SLC45A3: variants seen among roughly 807,000 people sequenced by gnomAD.
SLC45A3 encodes the protein prostate cancer associated protein 2.
SLC45A3 carries 17 observed loss-of-function variants against 35.3 expected under a neutral mutation model. That is an observed-to-expected ratio of 0.48 (90% CI 0.33 to 0.72). SLC45A3 has a LOEUF of 0.72. Ranked by LOEUF, SLC45A3 falls within the 30% of genes least tolerant of loss-of-function variation. The pLI is 0.02. For synonymous variants in SLC45A3, 288 were observed against 334.3 expected (o/e 0.86, Z 1.51); for missense variants, 597 against 731.7 (o/e 0.82, Z 2.12).
chr1:205,668,455 A>C (rs1671153343), intron 1 of SLC45A3, among the ~76,000 whole-genome samples: 1 of 152,146 alleles, frequency 6.6e-6, no homozygotes, highest in African/African-American at 2.4e-5. Context: ...CCTCAGGGCA[A>C]GCTTCTTGCC....
At position 205,663,542 on chromosome 1, in the gene SLC45A3, G is replaced by A. The variant is rs2102403872; in HGVS notation, c.249C>T (p.Gly83=). The change falls in exon 3 of 5, where the codon GGC becomes GGT. Residue 83 remains glycine, a synonymous_variant. Coordinates refer to ENST00000367145, the MANE Select transcript of SLC45A3 (RefSeq NM_033102.3). ...GTGCCCAGATGAAGGGCCGGCGGCG[G>A]CCATAGCGTCCACGCCAGTGGTCAC... The part of the protein sequence containing the change: ...SASDHWRGRY[G]RRRPFIWALS... 5 of 1,612,820 alleles carry A rather than the reference G, an allele frequency of 3.1e-6. No individual in the cohort carries two copies. In the East Asian group the frequency reaches 1.1e-4, roughly 36 times the overall value.
At position 205,670,788 on chromosome 1, in the gene SLC45A3, A is replaced by T. The variant is rs1353438485; in HGVS notation, c.-230-5902T>A. On this transcript the variant is annotated intron_variant, in intron 1 of 4. Transcript: ENST00000367145. The stretch of plus-strand genomic sequence containing the variant: ...GCCAGCGCCGGCCCCTTCCCACTCA[A>T]TTCCCCTTCCAGCTGCTGCTGGCCC... Among the ~76,000 whole-genome samples, 5 of 152,074 alleles carry T rather than the reference A, an allele frequency of 3.3e-5. No homozygotes were observed. The East Asian group carries it at 9.7e-4, about 30-fold the overall frequency.
intron 1 of SLC45A3, among the ~76,000 whole-genome samples, chr1:205,668,261 G>A (rs1018956195): frequency 4.6e-5 from 7 of 151,896 alleles, no homozygotes; most frequent in Non-Finnish European, 7.4e-5. Flanking sequence ...CAGGGTCCTC[G>A]GGCTAAGGAG....
chr1:205,675,714 TTCCAAGGTGG>T (rs1671298695), intron 1 of SLC45A3, among the ~76,000 whole-genome samples: 1 of 152,104 alleles, frequency 6.6e-6, no homozygotes, highest in African/African-American at 2.4e-5. Context: ...TTGTTTTTGC[TTCCAAGGTGG>T]TCACCGTGCT....
Position 205,659,578 on chromosome 1 carries a change from G to A in SLC45A3, c.1318C>T (p.Pro440Ser). 1 of 1,592,694 alleles carries A rather than the reference G, an allele frequency of 6.3e-7. No homozygotes were observed. Among genetic ancestry groups the A allele is most frequent in the East Asian group, 2.2e-5 (1 of 44,700 alleles). ...SFLPGPKPGA[P>S]FPNGHVGAGG... ...GCACCCACGTGTCCATTAGGGAAGG[G>A]AGCTCCAGGCTTAGGGCCTGGCAGG... Residue 440 changes from proline (P) to serine (S), a missense_variant, in exon 5 of 5, where the codon CCC becomes TCC. Around this residue, in one of 3 missense-constraint regions of SLC45A3, gnomAD observed 555 missense variants for 664.9 expected, o/e 0.83. Transcript: ENST00000367145. This position sits in a 1 kb window ranked among gnomAD's most constrained non-coding sequence, Gnocchi z 5.8.
chr1:205,659,645 G>A lies in SLC45A3; in HGVS notation c.1251C>T (p.Asp417=), dbSNP rs1451492084. Residue 417 remains aspartate (D), a synonymous_variant, in exon 5 of 5, where the codon GAC becomes GAT. Coordinates refer to ENST00000367145, the MANE Select transcript of SLC45A3 (RefSeq NM_033102.3). This position sits in a 1 kb window ranked among gnomAD's most constrained non-coding sequence, Gnocchi z 5.8. ...TGTCCTCACTGCTAGCACCTCCAGT[G>A]TCCCCTCGGTATTTGGGCAGGAACA... ...KQVFLPKYRG[D]TGGASSEDSL... 1 of 1,530,070 alleles carries A rather than the reference G, an allele frequency of 6.5e-7. No individual in the cohort carries two copies. Among genetic ancestry groups the A allele is most frequent in the African/African-American group, 1.4e-5 (1 of 72,212 alleles). The allele number at this position is 1,530,070 out of a possible 1,614,324, so 94.8% of individuals were successfully genotyped here. A position where few individuals can be genotyped will look rare whatever the true frequency, so the allele number is the denominator to read the frequency against.
rs770050479 is a variant in SLC45A3 at position 205,661,939 on chromosome 1, G to C, written c.1146C>G (p.Ala382=). Residue 382 remains alanine (A), a synonymous_variant, in exon 4 of 5, where the codon GCC becomes GCG. Coordinates refer to ENST00000367145, the MANE Select transcript of SLC45A3 (RefSeq NM_033102.3). ...SHSVAVVTAS[A]ALTGFTFSAL... is the part of the protein sequence containing the mutation. Reference sequence around the variant, plus strand: ...CTGAGAAGGTGAACCCGGTGAGGGCGGCTGAAGCTGTCACCACGGCCACAC... The same window carrying C: ...CTGAGAAGGTGAACCCGGTGAGGGCCGCTGAAGCTGTCACCACGGCCACAC... 5.0e-6 allele frequency: 8 copies of C among 1,614,194 alleles called. No homozygotes were observed. The highest frequency in any genetic ancestry group is 1.6e-4 in the Middle Eastern group (1 of 6,062).
chr1:205,663,471 C>T lies in SLC45A3; in HGVS notation c.320G>A (p.Gly107Asp). ...LLSLFLIPRA[G>D]WLAGLLCPDP... ...CGGGCACAGCAGCCCTGCTAGCCAG[C>T]CGGCCCTTGGGATGAGAAAGAGGCT... Residue 107 changes from glycine to aspartate, a missense_variant, in exon 3 of 5, where the codon GGC (glycine) becomes GAC (aspartate). By Grantham distance (94) the Gly-to-Asp change is moderately conservative. This residue lies in a region of SLC45A3 where 555 missense variants were observed against 664.9 expected (regional missense o/e 0.83). Coordinates refer to ENST00000367145, the MANE Select transcript of SLC45A3 (RefSeq NM_033102.3). 1.2e-6 allele frequency: 2 copies of T among 1,612,996 alleles called. No homozygotes were observed. The highest frequency in any genetic ancestry group is 1.7e-6 in the Non-Finnish European group (2 of 1,179,866).
intron 1 of SLC45A3, among the ~76,000 whole-genome samples, chr1:205,671,121 A>G (rs1671208298): frequency 6.6e-6 from 1 of 152,168 alleles, no homozygotes; most frequent in Non-Finnish European, 1.5e-5. Flanking sequence ...CCCCTCTCCT[A>G]CCCAGTGACA....
chr1:205,670,846 G>C (rs759206430), intron 1 of SLC45A3, among the ~76,000 whole-genome samples: 2 of 152,096 alleles, frequency 1.3e-5, no homozygotes, highest in Admixed American at 6.5e-5. Context: ...CCGTCACTTC[G>C]GGCAGCAAAG....
At chr1:205,677,054 A>G (rs1244288463) in intron 1 of SLC45A3, among the ~76,000 whole-genome samples, 1 of 152,224 alleles carries the variant, frequency 6.6e-6, no homozygotes, top group African/African-American at 2.4e-5. Flanking sequence ...CACCCTCCCT[A>G]TACAGTTTTC....
At chr1:205,675,949 C>G (rs1371047145) in intron 1 of SLC45A3, among the ~76,000 whole-genome samples, 2 of 152,188 alleles carry the variant, frequency 1.3e-5, no homozygotes, top group African/African-American at 4.8e-5. Flanking sequence ...CACTGCCATC[C>G]TCCCCACTAG....
Position 205,664,970 on chromosome 1 carries a change from T to C in SLC45A3, c.-230-84A>G. 8.4e-7 allele frequency: 1 copy of C among 1,191,464 alleles called. No homozygotes were observed. 73.8% of individuals were successfully genotyped at this position (1,191,464 alleles called of 1,614,324 possible). A position where few individuals can be genotyped will look rare whatever the true frequency, so the allele number is the denominator to read the frequency against. Reference sequence around the variant, plus strand: ...CACGATTTGCTCTAAATTGTCTGGATCCTGATCATTCACAGGCTGGCGACT... The same window carrying C: ...CACGATTTGCTCTAAATTGTCTGGACCCTGATCATTCACAGGCTGGCGACT... On this transcript the variant is annotated intron_variant, in intron 1 of 4. Coordinates refer to ENST00000367145, the MANE Select transcript of SLC45A3 (RefSeq NM_033102.3). This position sits in a 1 kb window ranked among gnomAD's most constrained non-coding sequence, Gnocchi z 5.3.
chr1:205,664,040 A>G lies in SLC45A3; in HGVS notation c.173-422T>C, dbSNP rs1662914198. 6.6e-6 allele frequency among the ~76,000 whole-genome samples: 1 copy of G among 152,126 alleles called. No individual in the cohort carries two copies. The highest frequency in any genetic ancestry group is 2.4e-5 in the African/African-American group (1 of 41,412). On this transcript the variant is annotated intron_variant, in intron 2 of 4. Transcript: ENST00000367145. The surrounding 1 kb of genome is among the most constrained non-coding windows in gnomAD (Gnocchi z 5.3). ...ACCCCTTGTCCTAGGGGTAGGAGCA[A>G]GCTCCGGCTGGGAGACCTTGATGGA...
Position 205,664,941 on chromosome 1 carries a change from T to C in SLC45A3, c.-230-55A>G. 8.0e-7 allele frequency: 1 copy of C among 1,256,410 alleles called. No individual in the cohort carries two copies. Among genetic ancestry groups the C allele is most frequent in the Non-Finnish European group, 1.0e-6 (1 of 998,626 alleles). The allele number at this position is 1,256,410 out of a possible 1,614,324, so 77.8% of individuals were successfully genotyped here. ...GGGGTGTTAAGTCCTGGGAGCCAGGTCTCCACGATTTGCTCTAAATTGTCT... is the reference window on the plus strand; with the variant it reads ...GGGGTGTTAAGTCCTGGGAGCCAGGCCTCCACGATTTGCTCTAAATTGTCT... On this transcript the variant is annotated intron_variant, in intron 1 of 4. Transcript: ENST00000367145. This position sits in a 1 kb window ranked among gnomAD's most constrained non-coding sequence, Gnocchi z 5.3.
In SLC45A3 at chr1:205,659,769, G is replaced by A. The variant is rs915164912; in HGVS notation, c.1225-98C>T. On this transcript the variant is annotated intron_variant, in intron 4 of 4. Coordinates refer to ENST00000367145, the MANE Select transcript of SLC45A3 (RefSeq NM_033102.3). The surrounding 1 kb of genome is among the most constrained non-coding windows in gnomAD (Gnocchi z 5.8). ...GAACAGACCCTTGCCTCCATCCCAG[G>A]GGCAATGGGACTTCATGAGAATCAG... The A allele has an allele frequency of 7.1e-6, 8 of 1,130,582 alleles. No homozygotes were observed. Among genetic ancestry groups the A allele is most frequent in the Middle Eastern group, 2.7e-4 (1 of 3,694 alleles). The allele number at this position is 1,130,582 out of a possible 1,614,324, so 70.0% of individuals were successfully genotyped here. A position where few individuals can be genotyped will look rare whatever the true frequency, so the allele number is the denominator to read the frequency against.
chr1:205,661,769 T>G, intron 4 of SLC45A3, 92 bp downstream of exon 4: 1 of 1,514,772 alleles, frequency 6.6e-7, no homozygotes, highest in Non-Finnish European at 8.9e-7. Flanking sequence ...TCTCCAAAGT[T>G]GCTTGCCAGA....
At chr1:205,677,053 T>C (rs1315944142) in intron 1 of SLC45A3, among the ~76,000 whole-genome samples, 1 of 152,196 alleles carries the variant, frequency 6.6e-6, no homozygotes, top group Non-Finnish European at 1.5e-5. Flanking sequence ...GCACCCTCCC[T>C]ATACAGTTTT....
intron 1 of SLC45A3, among the ~76,000 whole-genome samples, chr1:205,667,631 G>A (rs1483993423): frequency 6.6e-6 from 1 of 152,126 alleles, no homozygotes; most frequent in Non-Finnish European, 1.5e-5. Context: ...CCAGGAGTTC[G>A]AGGCTGCAAG....
Sources: allele counts gnomAD v4.1 joint callset (sites outside exome capture counted in the v4.1 genomes callset), GRCh38; gene constraint gnomAD v4.1.1; regional missense constraint gnomAD v4.1.1; non-coding constraint Gnocchi (gnomAD v3.1); transcripts MANE v1.5; gene names NCBI Gene and HGNC (gene_info 2026-07-23, HGNC 2026-07-21).